CAMKMT: variants seen among roughly 807,000 people sequenced by gnomAD.
CAMKMT encodes the protein calmodulin-lysine N-methyltransferase.
A neutral mutation model predicts 48.0 loss-of-function variants in CAMKMT; 53 were observed. The observed-to-expected ratio is 1.10, with a 90% CI of 0.89 to 1.39. The LOEUF (loss-of-function observed/expected upper bound fraction) is 1.39, where lower values mean the gene tolerates loss of function less well. CAMKMT is among the 40% of genes most tolerant of loss of function. CAMKMT has a pLI of 0.00. For synonymous variants in CAMKMT, 165 were observed against 152.3 expected (o/e 1.08, Z -0.61); for missense variants, 428 against 402.7 (o/e 1.06, Z -0.54).
intron 2 of CAMKMT, among the ~76,000 whole-genome samples, chr2:44,379,010 A>G (rs1196317958): frequency 6.6e-6 from 1 of 152,234 alleles, no homozygotes; most frequent in Non-Finnish European, 1.5e-5. Flanking sequence ...CTTCACCACT[A>G]TTCCAGAACT....
intron 3 of CAMKMT, among the ~76,000 whole-genome samples, chr2:44,523,841 G>C (rs113803757): frequency 0.022 from 2,991 of 139,064 alleles, 89 homozygotes; most frequent in African/African-American, 0.07. Flanking sequence ...GCAGTGGCGT[G>C]ATCTCGGCTC....
chr2:44,423,194 T>TTTATTTATTTATTTGTTTTG (rs1684048445), intron 3 of CAMKMT, among the ~76,000 whole-genome samples: 1 of 151,894 alleles, frequency 6.6e-6, no homozygotes, highest in Non-Finnish European at 1.5e-5. Flanking sequence ...TATTTATTTA[T>TTTATTTATTTATTTGTTTTG]TTTGAGACAG....
At chr2:44,400,315 T>G (rs933348411) in intron 3 of CAMKMT, among the ~76,000 whole-genome samples, 2 of 152,056 alleles carry the variant, frequency 1.3e-5, no homozygotes, top group Non-Finnish European at 2.9e-5. Flanking sequence ...ATCAGAAATA[T>G]TCACATAAAA....
At chr2:44,510,641 G>A (rs144998817) in intron 3 of CAMKMT, among the ~76,000 whole-genome samples, 32 of 151,902 alleles carry the variant, frequency 2.1e-4, no homozygotes, top group African/African-American at 7.0e-4. Context: ...TGATTCCATC[G>A]CCTACATTCT....
At chr2:44,770,809 CAAGGA>C (rs1261534455) in intron 10 of CAMKMT, among the ~76,000 whole-genome samples, 1 of 152,210 alleles carries the variant, frequency 6.6e-6, no homozygotes, top group African/African-American at 2.4e-5. Context: ...CAAAAATCCA[CAAGGA>C]TCTTCCTAAA....
chr2:44,567,346 T>A (rs1668668212), intron 3 of CAMKMT, among the ~76,000 whole-genome samples: 1 of 152,116 alleles, frequency 6.6e-6, no homozygotes, highest in Non-Finnish European at 1.5e-5. Flanking sequence ...CACAGAGCAG[T>A]GGGTGATCTC....
Position 44,691,116 on chromosome 2 carries a change from G to T in CAMKMT, c.377-13167G>T, listed in dbSNP as rs150835911. The stretch of plus-strand genomic sequence containing the variant: ...CAGATAAGGAATCGGGGAAGGAGAA[G>T]TTAAATGACTTGCTGAGGTCACAAA... On this transcript the variant is annotated intron_variant, in intron 3 of 10. Transcript: ENST00000378494. Among the ~76,000 whole-genome samples the T allele has an allele frequency of 6.5e-3, 988 of 152,344 alleles. 6 individuals carry two copies. The highest frequency in any genetic ancestry group is 0.051 in the Middle Eastern group (15 of 294).
At chr2:44,678,542 C>G (rs987706068) in intron 3 of CAMKMT, among the ~76,000 whole-genome samples, 4 of 152,184 alleles carry the variant, frequency 2.6e-5, no homozygotes, top group African/African-American at 9.6e-5. Flanking sequence ...TGCCTCATTC[C>G]TGAAGTGCAT....
chr2:44,612,239 A>G (rs1455784807), intron 3 of CAMKMT, among the ~76,000 whole-genome samples: 2 of 152,218 alleles, frequency 1.3e-5, no homozygotes, highest in Non-Finnish European at 2.9e-5. Context: ...ATTTATGGGA[A>G]TAATCATTCG....
intron 6 of CAMKMT, among the ~76,000 whole-genome samples, chr2:44,708,470 T>TTGTA (rs965411426): frequency 1.3e-4 from 20 of 151,944 alleles, no homozygotes; most frequent in African/African-American, 4.6e-4. Flanking sequence ...TCAGTAACAC[T>TTGTA]TGTATGCTCT....
At chr2:44,459,808 T>G (rs1405099246) in intron 3 of CAMKMT, among the ~76,000 whole-genome samples, 1 of 152,210 alleles carries the variant, frequency 6.6e-6, no homozygotes, top group Admixed American at 6.5e-5. Flanking sequence ...CATTTAAGTC[T>G]TGCTGGAGCT....
chr2:44,683,180 G>C (rs1041418015), intron 3 of CAMKMT, among the ~76,000 whole-genome samples: 1 of 151,008 alleles, frequency 6.6e-6, no homozygotes, highest in South Asian at 2.1e-4. Context: ...AAGGAGGCAG[G>C]GTTTCTATAA....
chr2:44,585,349 C>T (rs1022327004), intron 3 of CAMKMT, among the ~76,000 whole-genome samples: 2 of 152,198 alleles, frequency 1.3e-5, no homozygotes, highest in African/African-American at 2.4e-5. Context: ...AGCAATTCAG[C>T]TGAACTTCAG....
chr2:44,401,249 G>A (rs1362882758), intron 3 of CAMKMT: 1 of 152,030 alleles, frequency 6.6e-6, no homozygotes, highest in Non-Finnish European at 1.5e-5. Context: ...CTTCTCACCA[G>A]CAAACATGTT....
At chr2:44,472,079 T>C (rs1668449835) in intron 3 of CAMKMT, among the ~76,000 whole-genome samples, 1 of 152,038 alleles carries the variant, frequency 6.6e-6, no homozygotes, top group Non-Finnish European at 1.5e-5. Flanking sequence ...GGGCAATTAT[T>C]TTTTGCTTTG....
intron 3 of CAMKMT, chr2:44,550,711 T>A (rs1558695949): frequency 6.6e-6 from 1 of 152,196 alleles, no homozygotes; most frequent in East Asian, 1.9e-4. Context: ...TCTAAAAGCT[T>A]GCAGTGACTG....
chr2:44,362,422 T>C (rs1472069950), intron 1 of CAMKMT, among the ~76,000 whole-genome samples: 3 of 152,140 alleles, frequency 2.0e-5, no homozygotes, highest in African/African-American at 7.2e-5. Flanking sequence ...TTTGTGCGTC[T>C]GGGGGACTTT....
At chr2:44,431,279 T>C (rs1572858502) in intron 3 of CAMKMT, among the ~76,000 whole-genome samples, 2 of 152,300 alleles carry the variant, frequency 1.3e-5, no homozygotes, top group East Asian at 1.9e-4. Context: ...AAATTAACTT[T>C]GTATTAACTT....
chr2:44,427,494 C>T (rs1049937974), intron 3 of CAMKMT, among the ~76,000 whole-genome samples: 2 of 152,060 alleles, frequency 1.3e-5, no homozygotes, highest in African/African-American at 4.8e-5. Context: ...GCAAAGGACA[C>T]GAACAGATAC....
Sources: allele counts gnomAD v4.1 joint callset (sites outside exome capture counted in the v4.1 genomes callset), GRCh38; gene constraint gnomAD v4.1.1; transcripts MANE v1.5; gene names NCBI Gene and HGNC (gene_info 2026-07-23, HGNC 2026-07-21).